The following ZNF354B variants were observed in gnomAD, a reference collection of about 807,000 sequenced individuals.
ZNF354B encodes the protein zinc finger protein 354B.
ZNF354B carries 10 observed loss-of-function variants against 12.9 expected under a neutral mutation model. The ratio of observed to expected loss-of-function variants is 0.77; its 90% confidence interval spans 0.48 to 1.31. The LOEUF (loss-of-function observed/expected upper bound fraction) is 1.31, where lower values mean the gene tolerates loss of function less well. ZNF354B is among the 40% of genes most tolerant of loss of function. ZNF354B has a pLI of 0.00. For synonymous variants in ZNF354B, 260 were observed against 243.7 expected (o/e 1.07, Z -0.62); for missense variants, 614 against 711.7 (o/e 0.86, Z 1.56).
intron 2 of ZNF354B, among the ~76,000 whole-genome samples, chr5:178,862,429 C>T (rs1403226295): frequency 2.1e-5 from 3 of 144,276 alleles, no homozygotes; most frequent in African/African-American, 8.0e-5. Flanking sequence ...TGCAGTGGCG[C>T]GATCTCGGCT....
intron 2 of ZNF354B, among the ~76,000 whole-genome samples, chr5:178,864,714 C>T (rs899278354): frequency 2.6e-5 from 4 of 151,858 alleles, no homozygotes; most frequent in African/African-American, 9.7e-5. Context: ...GTTCCGCCTC[C>T]TGGGTTCAAG....
chr5:178,882,820 G>C lies in ZNF354B; in HGVS notation c.368G>C (p.Arg123Thr), dbSNP rs529588411. ...GAACCCTGGAACTTCATATCAGAAA[G>C]ATCCTGCATATATGAAGAGAAATTA... ...RDEPWNFISE[R>T]SCIYEEKLKK... Residue 123 changes from arginine (R) to threonine (T), a missense_variant, in exon 5 of 5, where the codon AGA (arginine) becomes ACA (threonine). Arg to Thr is a moderately conservative substitution (Grantham distance 71). Coordinates refer to ENST00000322434, the MANE Select transcript of ZNF354B (RefSeq NM_058230.3). The C allele has an allele frequency of 6.2e-7, 1 of 1,606,022 alleles. No homozygotes were observed. The highest frequency in any genetic ancestry group is 1.1e-5 in the South Asian group (1 of 87,966).
chr5:178,880,397 A>C (rs1005077798), intron 4 of ZNF354B, among the ~76,000 whole-genome samples: 55 of 150,536 alleles, frequency 3.7e-4, no homozygotes, highest in African/African-American at 1.3e-3. Context: ...ATGGGGTTTC[A>C]CTGTGTTGGC....
intron 4 of ZNF354B, among the ~76,000 whole-genome samples, chr5:178,877,301 C>T (rs1325711236): frequency 6.6e-6 from 1 of 152,076 alleles, no homozygotes; most frequent in Admixed American, 6.5e-5. Flanking sequence ...TCCTGAGTAG[C>T]TGGGATTACA....
Position 178,882,798 on chromosome 5 carries a change from C to T in ZNF354B, c.346C>T (p.Pro116Ser), listed in dbSNP as rs762538254. The change falls in exon 5 of 5, where the codon CCC becomes TCC. Residue 116 changes from proline (P) to serine (S), a missense_variant. Pro to Ser is a moderately conservative substitution (Grantham distance 74). Coordinates refer to ENST00000322434, the MANE Select transcript of ZNF354B (RefSeq NM_058230.3). ...QIRKRLKRDE[P>S]WNFISERSCI... ...AAGGAAAAGATTGAAAAGGGATGAA[C>T]CCTGGAACTTCATATCAGAAAGATC... 4 of 1,602,634 alleles carry T rather than the reference C, an allele frequency of 2.5e-6. No individual in the cohort carries two copies. The South Asian group carries it at 4.6e-5, about 18-fold the overall frequency.
Position 178,884,399 on chromosome 5 carries a change from T to C in ZNF354B, c.*108T>C, listed in dbSNP as rs1757771363. On this transcript the variant is annotated 3_prime_UTR_variant, in exon 5 of 5. Coordinates refer to ENST00000322434, the MANE Select transcript of ZNF354B (RefSeq NM_058230.3). Reference sequence around the variant, plus strand: ...CTCATCAGATACTAAGTTTTAAGAATAAACTTTAGCTATGTAATAACTTAT... The same window carrying C: ...CTCATCAGATACTAAGTTTTAAGAACAAACTTTAGCTATGTAATAACTTAT... The C allele has an allele frequency of 1.6e-6, 2 of 1,221,350 alleles. No individual in the cohort carries two copies. Among genetic ancestry groups the C allele is most frequent in the African/African-American group, 1.5e-5 (1 of 65,256 alleles). The allele number at this position is 1,221,350 out of a possible 1,614,324, so 75.7% of individuals were successfully genotyped here. A position where few individuals can be genotyped will look rare whatever the true frequency, so the allele number is the denominator to read the frequency against.
Position 178,870,121 on chromosome 5 carries a change from C to T in ZNF354B, c.256+3050C>T, listed in dbSNP as rs565677624. On this transcript the variant is annotated intron_variant, in intron 4 of 4. Transcript: ENST00000322434. ...GAGCCCAGGGGTTCGAGACCAACCT[C>T]GGTAACATAGACCCTGTCTGTGTTT... Among the ~76,000 whole-genome samples, 5 of 152,060 alleles carry T rather than the reference C, an allele frequency of 3.3e-5. No individual in the cohort carries two copies. The East Asian group carries it at 9.7e-4, about 30-fold the overall frequency.
At chr5:178,863,958 T>C (rs1464764436) in intron 2 of ZNF354B, among the ~76,000 whole-genome samples, 3 of 152,214 alleles carry the variant, frequency 2.0e-5, no homozygotes, top group Non-Finnish European at 2.9e-5. Context: ...AGCTAGACAA[T>C]GTGTTTAAGA....
intron 4 of ZNF354B, among the ~76,000 whole-genome samples, chr5:178,871,023 A>G (rs756631991): frequency 3.3e-5 from 5 of 152,152 alleles, no homozygotes; most frequent in Non-Finnish European, 7.4e-5. Context: ...AGACTCGTAC[A>G]TATGCCCTGC....
intron 4 of ZNF354B, among the ~76,000 whole-genome samples, chr5:178,869,715 C>G (rs143104159): frequency 6.6e-6 from 1 of 151,982 alleles, no homozygotes; most frequent in East Asian, 1.9e-4. Context: ...GAGGATGGCC[C>G]TGCGGGAAAA....
chr5:178,879,980 G>T (rs1286680363), intron 4 of ZNF354B, among the ~76,000 whole-genome samples: 1 of 146,384 alleles, frequency 6.8e-6, no homozygotes, highest in Non-Finnish European at 1.5e-5. Context: ...ACAAAAATTA[G>T]CTGGGCGTGG....
chr5:178,876,025 A>C (rs576432718), intron 4 of ZNF354B, among the ~76,000 whole-genome samples: 1 of 152,172 alleles, frequency 6.6e-6, no homozygotes, highest in Admixed American at 6.5e-5. Flanking sequence ...GCTCATCTCC[A>C]TATGGTGGCT....
At chr5:178,882,669 A>G in intron 4 of ZNF354B, 40 bp from the exon 5 acceptor site, 3 of 1,510,422 alleles carry the variant, frequency 2.0e-6, no homozygotes, top group Non-Finnish European at 2.6e-6. Context: ...AGCCAATCAC[A>G]TGAATCATGG....
chr5:178,877,494 C>G (rs1757655631), intron 4 of ZNF354B, among the ~76,000 whole-genome samples: 1 of 152,034 alleles, frequency 6.6e-6, no homozygotes, highest in African/African-American at 2.4e-5. Context: ...TCTGATTCCC[C>G]AAAGCAGAAA....
intron 4 of ZNF354B, among the ~76,000 whole-genome samples, chr5:178,877,957 C>T (rs971968104): frequency 1.3e-5 from 2 of 152,122 alleles, no homozygotes; most frequent in Admixed American, 1.3e-4. Context: ...TTTTCTTTTA[C>T]CTTACATTTA....
intron 4 of ZNF354B, among the ~76,000 whole-genome samples, chr5:178,878,751 G>T (rs1581815478): frequency 6.6e-6 from 1 of 152,098 alleles, no homozygotes; most frequent in Non-Finnish European, 1.5e-5. Context: ...TACCCAGGCT[G>T]GAGTGCAGTG....
At chr5:178,874,560 TGTA>T (rs564181962) in intron 4 of ZNF354B, among the ~76,000 whole-genome samples, 112 of 152,360 alleles carry the variant, frequency 7.4e-4, no homozygotes, top group African/African-American at 2.1e-3. Flanking sequence ...ATGAAATTCT[TGTA>T]GTATGTTTTT....
chr5:178,863,009 T>C (rs910321478), intron 2 of ZNF354B, among the ~76,000 whole-genome samples: 2 of 152,210 alleles, frequency 1.3e-5, no homozygotes, highest in Non-Finnish European at 2.9e-5. Flanking sequence ...TGACCTGGGA[T>C]CTTGGCTGCC....
At chr5:178,866,410 G>C (rs1033269313) in intron 3 of ZNF354B, 40 bp downstream of exon 3, 15 of 1,590,722 alleles carry the variant, frequency 9.4e-6, no homozygotes, top group African/African-American at 1.4e-5. Context: ...TTCAAAAATT[G>C]GGATATCTCA....
Sources: allele counts gnomAD v4.1 joint callset (sites outside exome capture counted in the v4.1 genomes callset), GRCh38; gene constraint gnomAD v4.1.1; transcripts MANE v1.5; gene names NCBI Gene and HGNC (gene_info 2026-07-23, HGNC 2026-07-21).